USH2A: variants seen among roughly 807,000 people sequenced by gnomAD.
USH2A encodes Usher syndrome 2A (autosomal recessive, mild).
In USH2A, 443 loss-of-function variants were observed where a neutral mutation model predicts 538.9. The ratio of observed to expected loss-of-function variants is 0.82; its 90% CI spans 0.76 to 0.89. USH2A has a LOEUF of 0.89. Among genes scored for constraint, USH2A ranks in the 40% least tolerant of loss-of-function variants. The pLI, the probability that USH2A is intolerant of heterozygous loss-of-function variation, is 0.00. For synonymous variants in USH2A, 2,413 were observed against 2,273.5 expected (o/e 1.06, Z -1.75); for missense variants, 6,633 against 6,324.8 (o/e 1.05, Z -1.65).
chr1:215,707,648 T>C (rs894243401), intron 61 of USH2A, among the ~76,000 whole-genome samples: 1 of 152,180 alleles, frequency 6.6e-6, no homozygotes, highest in Non-Finnish European at 1.5e-5. Flanking sequence ...AGCTCTGAGA[T>C]TGGTTTGTGA....
intron 16 of USH2A, among the ~76,000 whole-genome samples, chr1:216,206,238 T>C (rs546826390): frequency 8.0e-4 from 122 of 152,300 alleles, no homozygotes; most frequent in African/African-American, 2.7e-3. Flanking sequence ...TATTTGTAAA[T>C]TAAAATGGTA....
intron 20 of USH2A, among the ~76,000 whole-genome samples, chr1:216,185,833 A>T (rs1039243672): frequency 4.6e-5 from 7 of 152,080 alleles, no homozygotes; most frequent in Non-Finnish European, 8.8e-5. Flanking sequence ...ATTTAGAAAT[A>T]CACATTCATC....
intron 32 of USH2A, among the ~76,000 whole-genome samples, chr1:216,032,926 T>G (rs1669161169): frequency 6.6e-6 from 1 of 152,204 alleles, no homozygotes; most frequent in South Asian, 2.1e-4. Flanking sequence ...CAACTCTTGA[T>G]TTTGGCCTTG....
intron 49 of USH2A, among the ~76,000 whole-genome samples, chr1:215,799,903 T>C (rs1263128131): frequency 6.6e-6 from 1 of 152,170 alleles, no homozygotes; most frequent in Non-Finnish European, 1.5e-5. Context: ...CGAGAATTGC[T>C]TGAACCCGGG....
At chr1:216,031,069 T>A (rs887604871) in intron 32 of USH2A, among the ~76,000 whole-genome samples, 31 of 152,050 alleles carry the variant, frequency 2.0e-4, no homozygotes, top group Non-Finnish European at 3.8e-4. Context: ...TCTATATCAT[T>A]TACAGCTTTA....
chr1:216,361,134 G>A (rs1274274438), intron 4 of USH2A, among the ~76,000 whole-genome samples: 1 of 152,072 alleles, frequency 6.6e-6, no homozygotes, highest in African/African-American at 2.4e-5. Flanking sequence ...TCACGACAAC[G>A]TTACCACTGC....
intron 16 of USH2A, among the ~76,000 whole-genome samples, chr1:216,202,360 T>C (rs1050639259): frequency 5.3e-5 from 8 of 152,182 alleles, no homozygotes; most frequent in Non-Finnish European, 1.0e-4. Flanking sequence ...TCAGATAGAA[T>C]TGGGATGGAA....
chr1:216,268,396 T>A (rs1374717409), intron 11 of USH2A, among the ~76,000 whole-genome samples: 2 of 152,098 alleles, frequency 1.3e-5, no homozygotes, highest in African/African-American at 4.8e-5. Flanking sequence ...TTGTCAGGAT[T>A]AACTGAGATT....
At chr1:215,693,447 A>C (rs1367695337) in intron 61 of USH2A, among the ~76,000 whole-genome samples, 1 of 152,110 alleles carries the variant, frequency 6.6e-6, no homozygotes, top group Non-Finnish European at 1.5e-5. Context: ...TAAATGTCTT[A>C]CCTAGAGTCA....
intron 32 of USH2A, among the ~76,000 whole-genome samples, chr1:216,021,376 C>G (rs747362342): frequency 1.3e-5 from 2 of 152,092 alleles, no homozygotes; most frequent in Non-Finnish European, 2.9e-5. Context: ...AAGAGGTTTC[C>G]CCTTTCGCTT....
rs1439854115 is a variant in USH2A, at chr1:215,628,820, A to T, written c.15513T>A (p.Ser5171Arg). The change falls in exon 71 of 72, where the codon AGT becomes AGA. Residue 5171 changes from serine to arginine, a missense_variant. Physicochemically the swap from Ser to Arg is moderately radical, Grantham distance 110 (BLOSUM62 -1). Transcript: ENST00000307340. The stretch of plus-strand genomic sequence containing the variant: ...TATGAGGAAACCAACTCACCAGTCC[A>T]CTGTTGTGGCCCATGATGGCTTCCC... Reference protein sequence around the residue: ...SLWEAIMGHNSGLYVDEEDLM... With the variant: ...SLWEAIMGHNRGLYVDEEDLM... 3 of 1,614,014 alleles carry T rather than the reference A, an allele frequency of 1.9e-6. No homozygotes were observed. Among genetic ancestry groups the T allele is most frequent in the Non-Finnish European group, 2.5e-6 (3 of 1,180,020 alleles).
intron 13 of USH2A, among the ~76,000 whole-genome samples, chr1:216,232,457 GC>G (rs1203448862): frequency 1.3e-5 from 2 of 152,138 alleles, no homozygotes; most frequent in African/African-American, 4.8e-5. Flanking sequence ...TCATTCAGTT[GC>G]TTTGCCTAGA....
chr1:216,255,343 C>T (rs139333418), intron 11 of USH2A, among the ~76,000 whole-genome samples: 2 of 152,280 alleles, frequency 1.3e-5, no homozygotes, highest in African/African-American at 4.8e-5. Flanking sequence ...AATCTTCATC[C>T]TTTCCTAGCA....
chr1:215,625,887 T>A lies in USH2A; in HGVS notation c.15520-17A>T. ...ATCCACATACTGAAAAATAAGCCAATCATCATTGGCTACATACTTGCTATC... is the reference window on the plus strand; with the variant it reads ...ATCCACATACTGAAAAATAAGCCAAACATCATTGGCTACATACTTGCTATC... On this transcript the variant is annotated splice_polypyrimidine_tract_variant and intron_variant, in intron 71 of 71. Coordinates refer to ENST00000307340, the MANE Select transcript of USH2A (RefSeq NM_206933.4). The A allele has an allele frequency of 6.2e-7, 1 of 1,609,736 alleles. No homozygotes were observed. The highest frequency in any genetic ancestry group is 8.5e-7 in the Non-Finnish European group (1 of 1,176,050).
chr1:215,943,272 A>G (rs1346033961), intron 37 of USH2A, among the ~76,000 whole-genome samples: 2 of 152,208 alleles, frequency 1.3e-5, no homozygotes, highest in East Asian at 3.9e-4. Flanking sequence ...TATATTCCCT[A>G]TAATATGATA....
intron 4 of USH2A, among the ~76,000 whole-genome samples, chr1:216,352,148 A>T (rs1156342525): frequency 4.6e-5 from 7 of 152,154 alleles, no homozygotes; most frequent in African/African-American, 9.7e-5. Flanking sequence ...AGGTCAAGTC[A>T]CTTAGATGAC....
intron 37 of USH2A, among the ~76,000 whole-genome samples, chr1:215,961,514 G>C (rs970283997): frequency 2.0e-5 from 3 of 150,300 alleles, no homozygotes; most frequent in Non-Finnish European, 4.4e-5. Context: ...AGGACTTCTG[G>C]GGTAAAATTA....
At chr1:215,972,720 T>G (rs1320267545) in intron 35 of USH2A, among the ~76,000 whole-genome samples, 1 of 152,172 alleles carries the variant, frequency 6.6e-6, no homozygotes, top group East Asian at 1.9e-4. Context: ...GATAAGTCCA[T>G]TTCCCTTATT....
chr1:216,172,278 C>T lies in USH2A; in HGVS notation c.4627+2974G>A, dbSNP rs149869331. Among the ~76,000 whole-genome samples, 798 of 152,032 alleles carry T rather than the reference C, an allele frequency of 5.2e-3. 3 individuals are homozygous for T. The highest frequency in any genetic ancestry group is 0.017 in the South Asian group (84 of 4,814). ...ATGGCCATGAAATGTGTTATGAATGCGTTTATAATTCCTGTCATTGATGGG... is the reference window on the plus strand; with the variant it reads ...ATGGCCATGAAATGTGTTATGAATGTGTTTATAATTCCTGTCATTGATGGG... On this transcript the variant is annotated intron_variant, in intron 21 of 71. Transcript: ENST00000307340.
Sources: allele counts gnomAD v4.1 joint callset (sites outside exome capture counted in the v4.1 genomes callset), GRCh38; gene constraint gnomAD v4.1.1; transcripts MANE v1.5; gene names NCBI Gene and HGNC (gene_info 2026-07-23, HGNC 2026-07-21).